Variants in LHFPL3 observed in about 807,000 individuals in gnomAD.
The protein encoded by LHFPL3 is LHFPL tetraspan subfamily member 3, also known as LHFPL tetraspan subfamily member 3 protein.
A neutral mutation model predicts 19.3 loss-of-function variants in LHFPL3; 5 were observed. That is an observed-to-expected ratio of 0.26 (90% confidence interval 0.14 to 0.54). The LOEUF is 0.54. LHFPL3 is among the 20% of genes least tolerant of loss of function. The pLI, the probability that LHFPL3 is intolerant of heterozygous loss-of-function variation, is 0.94. For missense variants in LHFPL3, 249 were observed against 307.4 expected (o/e 0.81, Z 1.42); for synonymous variants, 133 against 126.2 (o/e 1.05, Z -0.36).
intron 2 of LHFPL3, among the ~76,000 whole-genome samples, chr7:104,884,823 G>A (rs555436926): frequency 2.0e-5 from 3 of 152,176 alleles, no homozygotes; most frequent in East Asian, 3.8e-4. Context: ...CTGGAAAGGA[G>A]GGGTTCTGTA....
chr7:104,890,334 C>G (rs1190494151), intron 2 of LHFPL3, among the ~76,000 whole-genome samples: 1 of 152,180 alleles, frequency 6.6e-6, no homozygotes, highest in Admixed American at 6.6e-5. Flanking sequence ...TTCTCCTGCT[C>G]TATACCTGCA....
chr7:104,424,960 C>A (rs10252735), intron 1 of LHFPL3, among the ~76,000 whole-genome samples: 4 of 133,110 alleles, frequency 3.0e-5, no homozygotes, highest in African/African-American at 8.8e-5. Flanking sequence ...CCAGCCTGGG[C>A]GACAGAGTGA....
chr7:104,677,493 G>T (rs971628535), intron 1 of LHFPL3, among the ~76,000 whole-genome samples: 2 of 152,130 alleles, frequency 1.3e-5, no homozygotes, highest in South Asian at 2.1e-4. Flanking sequence ...TTCATCTCTG[G>T]GTAGTCACAG....
chr7:104,873,819 G>C (rs1791881535), intron 2 of LHFPL3, among the ~76,000 whole-genome samples: 1 of 152,212 alleles, frequency 6.6e-6, no homozygotes, highest in African/African-American at 2.4e-5. Flanking sequence ...GGAAATCTCA[G>C]AGTGCGAGGC....
Position 104,908,395 on chromosome 7 carries a change from A to AATATATTTATAAAATAT in LHFPL3, c.*2181_*2182insTATATTTATAAAATATA, listed in dbSNP as rs1792659722. Among the ~76,000 whole-genome samples the AATATATTTATAAAATAT allele has an allele frequency of 6.6e-6, 1 of 152,150 alleles. No homozygotes were observed. Among genetic ancestry groups the AATATATTTATAAAATAT allele is most frequent in the South Asian group, 2.1e-4 (1 of 4,824 alleles). On this transcript the variant is annotated 3_prime_UTR_variant, in exon 3 of 3. Transcript: ENST00000424859. ...AAGAAGTAGGTTTTTATCTTTTTAA[A>AATATATTTATAAAATAT]AAAAAAACAAAAAAGGTGACTCCCT...
intron 1 of LHFPL3, among the ~76,000 whole-genome samples, chr7:104,417,639 C>A (rs1791647978): frequency 6.6e-6 from 1 of 152,070 alleles, no homozygotes; most frequent in South Asian, 2.1e-4. Flanking sequence ...TAAGGATCAA[C>A]AAATTATATG....
At chr7:104,672,277 A>G (rs1341413441) in intron 1 of LHFPL3, among the ~76,000 whole-genome samples, 1 of 152,068 alleles carries the variant, frequency 6.6e-6, no homozygotes, top group Non-Finnish European at 1.5e-5. Flanking sequence ...TCAACCCAGG[A>G]TAAATTATAG....
intron 1 of LHFPL3, among the ~76,000 whole-genome samples, chr7:104,418,547 A>T (rs530702456): frequency 6.6e-6 from 1 of 152,304 alleles, no homozygotes; most frequent in South Asian, 2.1e-4. Flanking sequence ...ACAAACAAAC[A>T]ATTTAAAAAA....
At chr7:104,730,102 C>T (rs925200263) in intron 1 of LHFPL3, among the ~76,000 whole-genome samples, 2 of 152,126 alleles carry the variant, frequency 1.3e-5, no homozygotes, top group Non-Finnish European at 2.9e-5. Context: ...GCAGAGTATT[C>T]CATGGTGTAT....
At chr7:104,854,724 T>C (rs901479508) in intron 2 of LHFPL3, among the ~76,000 whole-genome samples, 1 of 152,130 alleles carries the variant, frequency 6.6e-6, no homozygotes, top group Non-Finnish European at 1.5e-5. Flanking sequence ...AGCTTCAGTA[T>C]GAAAAAAAGG....
At chr7:104,579,160 T>A (rs1373041499) in intron 1 of LHFPL3, among the ~76,000 whole-genome samples, 1 of 152,222 alleles carries the variant, frequency 6.6e-6, no homozygotes, top group Non-Finnish European at 1.5e-5. Context: ...TATGCTTTAT[T>A]CTGTCTTTTT....
intron 2 of LHFPL3, among the ~76,000 whole-genome samples, chr7:104,869,901 G>C (rs577885299): frequency 3.7e-4 from 56 of 151,882 alleles, no homozygotes; most frequent in Middle Eastern, 3.4e-3. Flanking sequence ...CCGTGGAATA[G>C]TATGCAGCCA....
intron 1 of LHFPL3, among the ~76,000 whole-genome samples, chr7:104,408,381 T>A (rs562380607): frequency 6.6e-6 from 1 of 151,674 alleles, no homozygotes; most frequent in East Asian, 1.9e-4. Flanking sequence ...CTAGATTGGA[T>A]CCAACTTTCA....
chr7:104,570,480 T>C (rs1008849573), intron 1 of LHFPL3, among the ~76,000 whole-genome samples: 1 of 152,226 alleles, frequency 6.6e-6, no homozygotes, highest in African/African-American at 2.4e-5. Context: ...TTAGACTTGA[T>C]GGCATGATTT....
intron 1 of LHFPL3, among the ~76,000 whole-genome samples, chr7:104,608,613 T>A (rs1036248606): frequency 1.4e-4 from 21 of 151,872 alleles, no homozygotes; most frequent in Non-Finnish European, 2.8e-4. Context: ...AACCTGCACA[T>A]TGTGCACATG....
intron 2 of LHFPL3, among the ~76,000 whole-genome samples, chr7:104,765,491 G>A (rs1794442677): frequency 1.3e-5 from 2 of 152,180 alleles, no homozygotes. Context: ...ATTAGCATAA[G>A]GGATTCATCC....
intron 1 of LHFPL3, among the ~76,000 whole-genome samples, chr7:104,715,890 A>G (rs1242392823): frequency 6.6e-6 from 1 of 152,154 alleles, no homozygotes; most frequent in Non-Finnish European, 1.5e-5. Context: ...TTGGCGTCAG[A>G]GTAATATTCG....
At position 104,727,671 on chromosome 7, in the gene LHFPL3, G is replaced by A. The variant is rs562860138; in HGVS notation, c.446-9004G>A. On this transcript the variant is annotated intron_variant, in intron 1 of 2. Transcript: ENST00000424859. Reference sequence around the variant, plus strand: ...TGCTCTGTGGAGGATATTGCATTTGGCTTGAGCACTAAAAGATATTTAACA... The same window carrying A: ...TGCTCTGTGGAGGATATTGCATTTGACTTGAGCACTAAAAGATATTTAACA... Among the ~76,000 whole-genome samples, 8 of 152,174 alleles carry A rather than the reference G, an allele frequency of 5.3e-5. No individual in the cohort carries two copies. The South Asian group carries it at 1.7e-3, about 32-fold the overall frequency.
intron 1 of LHFPL3, among the ~76,000 whole-genome samples, chr7:104,614,590 T>TC (rs200939631): frequency 1.4e-3 from 43 of 30,284 alleles, no homozygotes; most frequent in Middle Eastern, 0.013. Flanking sequence ...TTCTCTTCTC[T>TC]CTCTTCTCTT....
Sources: allele counts gnomAD v4.1 joint callset (sites outside exome capture counted in the v4.1 genomes callset), GRCh38; gene constraint gnomAD v4.1.1; transcripts MANE v1.5; gene names NCBI Gene and HGNC (gene_info 2026-07-23, HGNC 2026-07-21).